Variants in HS3ST5 observed in about 807,000 individuals in gnomAD.
HS3ST5 encodes heparan sulfate-glucosamine 3-sulfotransferase 5.
In HS3ST5, 10 loss-of-function variants were observed where a neutral mutation model predicts 25.4. The ratio of observed to expected loss-of-function variants is 0.39; its 90% CI spans 0.24 to 0.67. The LOEUF (loss-of-function observed/expected upper bound fraction) is 0.67. Among genes scored for constraint, HS3ST5 ranks in the 30% least tolerant of loss-of-function variants. The pLI is 0.44. For missense variants in HS3ST5, 324 were observed against 420.7 expected, an observed-to-expected ratio of 0.77 and a Z score of 2.01; for synonymous variants, 170 against 162.4, an observed-to-expected ratio of 1.05 and a Z score of -0.36.
At chr6:114,090,362 T>C (rs1775060414) in intron 3 of HS3ST5, among the ~76,000 whole-genome samples, 1 of 152,212 alleles carries the variant, frequency 6.6e-6, no homozygotes, top group Non-Finnish European at 1.5e-5. Context: ...TTTCTGGCTG[T>C]AACTTAACAA....
At chr6:114,268,950 C>A (rs771504463) in intron 1 of HS3ST5, among the ~76,000 whole-genome samples, 11 of 152,106 alleles carry the variant, frequency 7.2e-5, no homozygotes, top group Admixed American at 2.6e-4. Flanking sequence ...TGCTAGCTCT[C>A]CAATATCTCA....
At chr6:114,161,568 TATATATAA>T (rs1778972347) in intron 3 of HS3ST5, among the ~76,000 whole-genome samples, 1 of 100,846 alleles carries the variant, frequency 9.9e-6, no homozygotes, top group Non-Finnish European at 2.0e-5. Flanking sequence ...TATATATATA[TATATATAA>T]AATGCAATGG....
At chr6:114,126,958 T>G (rs547161374) in intron 3 of HS3ST5, among the ~76,000 whole-genome samples, 3 of 152,292 alleles carry the variant, frequency 2.0e-5, no homozygotes, top group South Asian at 4.1e-4. Context: ...TACTTAATCC[T>G]TCATGGTCTA....
At chr6:114,092,762 G>A (rs1023347919) in intron 3 of HS3ST5, among the ~76,000 whole-genome samples, 7 of 149,992 alleles carry the variant, frequency 4.7e-5, no homozygotes, top group African/African-American at 1.7e-4. Flanking sequence ...TGCAACCTCT[G>A]CCTCCTGGGG....
At chr6:114,082,822 C>T (rs1246809955) in intron 3 of HS3ST5, among the ~76,000 whole-genome samples, 2 of 152,202 alleles carry the variant, frequency 1.3e-5, no homozygotes, top group Admixed American at 1.3e-4. Context: ...TCCTGCCAAA[C>T]CTTACTCACC....
intron 3 of HS3ST5, among the ~76,000 whole-genome samples, chr6:114,149,551 G>C (rs554877372): frequency 6.6e-6 from 1 of 152,018 alleles, no homozygotes; most frequent in Non-Finnish European, 1.5e-5. Flanking sequence ...TAGACACAGG[G>C]AGGGGAACAT....
chr6:114,325,266 G>A (rs1776128915), intron 1 of HS3ST5, among the ~76,000 whole-genome samples: 1 of 152,144 alleles, frequency 6.6e-6, no homozygotes, highest in Non-Finnish European at 1.5e-5. Flanking sequence ...TTGATGAAGG[G>A]TTAAAATAAT....
intron 2 of HS3ST5, among the ~76,000 whole-genome samples, chr6:114,202,591 C>T (rs565954830): frequency 6.6e-6 from 1 of 152,228 alleles, no homozygotes; most frequent in South Asian, 2.1e-4. Context: ...AATAGGTTGG[C>T]TGTCAGGTTC....
In HS3ST5 at chr6:114,080,307, A is replaced by G. The variant is rs111622851; in HGVS notation, c.-32-17430T>C. ...AGGTCTCAACAGTAAGCTTAAACAC[A>G]TTCAATAAACGATGCTGTGAACAGA... is the stretch of plus-strand genomic sequence containing the variant. On this transcript the variant is annotated intron_variant, in intron 3 of 4. Coordinates refer to ENST00000312719, the MANE Select transcript of HS3ST5 (RefSeq NM_153612.4). Among the ~76,000 whole-genome samples the G allele has an allele frequency of 7.7e-3, 1,175 of 152,336 alleles. 17 individuals carry two copies. Among genetic ancestry groups the G allele is most frequent in the African/African-American group, 0.028 (1,148 of 41,576 alleles).
At chr6:114,091,099 A>G (rs946472710) in intron 3 of HS3ST5, among the ~76,000 whole-genome samples, 1 of 152,120 alleles carries the variant, frequency 6.6e-6, no homozygotes, top group Admixed American at 6.5e-5. Flanking sequence ...TTTATTTTCC[A>G]ATTCTTTGGG....
chr6:114,098,176 T>C (rs73554345), intron 3 of HS3ST5, among the ~76,000 whole-genome samples: 2,050 of 152,134 alleles, frequency 0.013, 47 homozygotes, highest in African/African-American at 0.048. Context: ...AAAGTTATTA[T>C]GATCTTTTGC....
chr6:114,168,759 T>C (rs1450559171), intron 2 of HS3ST5, among the ~76,000 whole-genome samples: 1 of 152,202 alleles, frequency 6.6e-6, no homozygotes, highest in East Asian at 1.9e-4. Flanking sequence ...GACTTTTAAA[T>C]AACATTTGTA....
At chr6:114,078,302 G>A (rs1019230685) in intron 3 of HS3ST5, among the ~76,000 whole-genome samples, 1 of 151,992 alleles carries the variant, frequency 6.6e-6, no homozygotes, top group African/African-American at 2.4e-5. Flanking sequence ...TGCCTCCCAG[G>A]TTCAAGCAAT....
At chr6:114,109,536 T>C (rs1374198312) in intron 3 of HS3ST5, among the ~76,000 whole-genome samples, 1 of 152,178 alleles carries the variant, frequency 6.6e-6, no homozygotes, top group Non-Finnish European at 1.5e-5. Context: ...ATACTTGGTG[T>C]TCATGAGCTC....
intron 2 of HS3ST5, among the ~76,000 whole-genome samples, chr6:114,179,794 C>T (rs779872260): frequency 6.6e-6 from 1 of 151,842 alleles, no homozygotes; most frequent in Non-Finnish European, 1.5e-5. Flanking sequence ...CCAGTAGTGG[C>T]TCAGTCCAAG....
chr6:114,235,015 C>T (rs1170907758), intron 1 of HS3ST5, among the ~76,000 whole-genome samples: 2 of 151,928 alleles, frequency 1.3e-5, no homozygotes, highest in Non-Finnish European at 2.9e-5. Flanking sequence ...CCCAGCTACT[C>T]CAGAGGCTGA....
intron 3 of HS3ST5, among the ~76,000 whole-genome samples, chr6:114,101,458 G>A (rs1425304857): frequency 1.3e-5 from 2 of 152,144 alleles, no homozygotes; most frequent in African/African-American, 4.8e-5. Context: ...GAAGAATGAT[G>A]TAATTGAGGA....
intron 3 of HS3ST5, among the ~76,000 whole-genome samples, chr6:114,069,879 G>A (rs1233854046): frequency 6.6e-6 from 1 of 152,052 alleles, no homozygotes; most frequent in Non-Finnish European, 1.5e-5. Context: ...ATGGTTATAT[G>A]TTATCTTGTT....
intron 1 of HS3ST5, among the ~76,000 whole-genome samples, chr6:114,261,557 C>T (rs1773172660): frequency 6.6e-6 from 1 of 152,048 alleles, no homozygotes; most frequent in Non-Finnish European, 1.5e-5. Flanking sequence ...CTATTTTTCA[C>T]AGAGAGAGGA....
Sources: gnomAD v4.1 joint callset for allele counts (sites outside exome capture counted in the v4.1 genomes callset) on GRCh38, gnomAD v4.1.1 for gene constraint, MANE v1.5 for transcripts, NCBI Gene and HGNC (gene_info 2026-07-23, HGNC 2026-07-21) for gene names.